The following ATAD2B variants were observed in gnomAD, a reference collection of about 807,000 sequenced individuals.
ATAD2B encodes ATPase family AAA domain-containing protein 2B.
Under a neutral mutation model 167.6 loss-of-function variants are expected in ATAD2B, and 40 were observed. That is an observed-to-expected ratio of 0.24 (90% CI 0.19 to 0.31). The LOEUF is 0.31. ATAD2B is among the 10% of genes least tolerant of loss of function. The probability of loss-of-function intolerance (pLI) is 1.00; values close to 1 mark genes in which losing one functional copy is unlikely to be tolerated. For synonymous variants in ATAD2B, 579 were observed against 596.5 expected, an observed-to-expected ratio of 0.97 and a Z score of 0.43; for missense variants, 1,242 against 1,757.2, an observed-to-expected ratio of 0.71 and a Z score of 5.24.
At chr2:23,685,335 G>C in the ATAD2B span, 2 of 152,224 alleles carry the variant, frequency 1.3e-5, no homozygotes, top group Admixed American at 6.5e-5. Context: ...CCGTAGTAAG[G>C]GAGAGCAGCC....
At chr2:23,746,214 A>G (rs1674872369), downstream of ATAD2B, among the ~76,000 whole-genome samples, 1 of 152,226 alleles carries the variant, frequency 6.6e-6, no homozygotes, top group Non-Finnish European at 1.5e-5. Flanking sequence ...TACCCCCACA[A>G]GAAGCAGTCA....
At position 23,851,280 on chromosome 2, in the gene ATAD2B, G is replaced by C. The variant is rs113792790; in HGVS notation, c.1568+6135C>G. Among the ~76,000 whole-genome samples the C allele has an allele frequency of 5.7e-3, 863 of 152,164 alleles. 11 individuals are homozygous for C. The highest frequency in any genetic ancestry group is 0.018 in the African/African-American group (759 of 41,504). ...CTCACGTCAGCCTCCCAAGTAGCTA[G>C]GACGAGAGGCACACCACACCCAACT... On this transcript the variant is annotated intron_variant, in intron 13 of 27. Coordinates refer to ENST00000238789, the MANE Select transcript of ATAD2B (RefSeq NM_017552.4).
At chr2:23,902,340 C>G (rs1007661688) in intron 1 of ATAD2B, among the ~76,000 whole-genome samples, 3 of 152,134 alleles carry the variant, frequency 2.0e-5, no homozygotes, top group African/African-American at 7.2e-5. Flanking sequence ...GACTCCTTCC[C>G]TCCAAAGAAA....
chr2:23,744,120 G>A (rs1474960258), downstream of ATAD2B, among the ~76,000 whole-genome samples: 1 of 152,166 alleles, frequency 6.6e-6, no homozygotes, highest in African/African-American at 2.4e-5. Flanking sequence ...AGGACAAGAA[G>A]TGTGAAACGT....
chr2:23,690,899 C>T, the ATAD2B span: 14,992 of 152,404 alleles, frequency 0.098, 846 homozygotes, highest in Middle Eastern at 0.16. Context: ...TTCCCCAGCC[C>T]GACGCACACT....
At chr2:23,840,223 T>C (rs1246307251) in intron 13 of ATAD2B, among the ~76,000 whole-genome samples, 2 of 152,330 alleles carry the variant, frequency 1.3e-5, no homozygotes, top group Middle Eastern at 3.4e-3. Flanking sequence ...TTTTCCCCTA[T>C]GTTTTTTCTA....
intron 2 of ATAD2B, among the ~76,000 whole-genome samples, chr2:23,891,751 C>T (rs987399797): frequency 3.3e-5 from 5 of 151,758 alleles, no homozygotes; most frequent in Non-Finnish European, 7.4e-5. Flanking sequence ...CCGACCCCCA[C>T]CTCAGACTCC....
At chr2:23,877,043 G>T (rs1264803818) in intron 7 of ATAD2B, among the ~76,000 whole-genome samples, 1 of 147,886 alleles carries the variant, frequency 6.8e-6, no homozygotes, top group Admixed American at 6.9e-5. Flanking sequence ...CTCCAGCCTG[G>T]GCAAGAAGAG....
chr2:23,758,160 A>G (rs759744366), intron 24 of ATAD2B, 59 bp from the exon 25 acceptor site: 7 of 1,340,894 alleles, frequency 5.2e-6, no homozygotes, highest in African/African-American at 1.5e-5. Flanking sequence ...CCAATTTTAC[A>G]TATGTTTATT....
chr2:23,684,342 A>G, the ATAD2B span: 1 of 518,728 alleles, frequency 1.9e-6, no homozygotes, highest in Non-Finnish European at 2.7e-6. This position sits in a 1 kb window ranked among gnomAD's most constrained non-coding sequence, Gnocchi z 4.4. Flanking sequence ...TTTTTTAATT[A>G]AAAAAAAAAA....
At chr2:23,921,462 C>T (rs1413745696) in intron 1 of ATAD2B, among the ~76,000 whole-genome samples, 1 of 152,034 alleles carries the variant, frequency 6.6e-6, no homozygotes, top group Non-Finnish European at 1.5e-5. Flanking sequence ...AGCTGGATTC[C>T]AGAAGTTATG....
At chr2:23,682,280 C>T in the ATAD2B span, among the ~76,000 whole-genome samples, 19 of 152,324 alleles carry the variant, frequency 1.2e-4, no homozygotes, top group East Asian at 3.7e-3. This position sits in a 1 kb window ranked among gnomAD's most constrained non-coding sequence, Gnocchi z 4.1. Flanking sequence ...TGTGTGCCCG[C>T]CACATGCTGT....
chr2:23,797,341 A>C (rs960891413), intron 19 of ATAD2B, among the ~76,000 whole-genome samples: 3 of 152,080 alleles, frequency 2.0e-5, no homozygotes, highest in Admixed American at 6.6e-5. Context: ...AAGATGATCT[A>C]CTATTTTTTT....
At chr2:23,903,079 T>C (rs1042355190) in intron 1 of ATAD2B, among the ~76,000 whole-genome samples, 5 of 151,688 alleles carry the variant, frequency 3.3e-5, no homozygotes, top group East Asian at 3.9e-4. Context: ...TACAAAAATA[T>C]AGAAAAATTA....
rs1470617822 is a variant in ATAD2B, at chr2:23,926,912, C to A, written c.-142G>T. ...CCGGAGCGTGCGGAGCGCAGACGAG[C>A]ACAAGAGAGAGCCGGGCAGAGGAAG... On this transcript the variant is annotated 5_prime_UTR_variant, in exon 1 of 28. Transcript: ENST00000238789. 1.9e-6 allele frequency: 2 copies of A among 1,036,554 alleles called. No individual in the cohort carries two copies. Among genetic ancestry groups the A allele is most frequent in the Non-Finnish European group, 2.7e-6 (2 of 747,868 alleles). 64.2% of individuals were successfully genotyped at this position (1,036,554 alleles called of 1,614,324 possible). A position where few individuals can be genotyped will look rare whatever the true frequency, so the allele number is the denominator to read the frequency against.
chr2:23,726,089 C>A, the ATAD2B span, among the ~76,000 whole-genome samples: 1 of 152,124 alleles, frequency 6.6e-6, no homozygotes, highest in African/African-American at 2.4e-5. Flanking sequence ...GAAAGGAAAG[C>A]GGGTACTTCA....
chr2:23,849,074 G>A (rs1328851046), intron 13 of ATAD2B, among the ~76,000 whole-genome samples: 2 of 151,342 alleles, frequency 1.3e-5, no homozygotes, highest in African/African-American at 4.9e-5. Flanking sequence ...AACAGAAAAA[G>A]AAAACAGCAG....
the ATAD2B span, among the ~76,000 whole-genome samples, chr2:23,726,339 A>G: frequency 6.6e-6 from 1 of 152,232 alleles, no homozygotes; most frequent in Non-Finnish European, 1.5e-5. Context: ...CTGTTGACTA[A>G]TAGCCTTACT....
chr2:23,885,018 A>G, intron 5 of ATAD2B, 145 bp from the exon 6 acceptor site: 1 of 429,944 alleles, frequency 2.3e-6, no homozygotes, highest in Non-Finnish European at 4.1e-6. Context: ...AGCTTCCTAA[A>G]TTCAATAAAT....
Sources: gnomAD v4.1 joint callset for allele counts (sites outside exome capture counted in the v4.1 genomes callset) on GRCh38, gnomAD v4.1.1 for gene constraint, Gnocchi (gnomAD v3.1) non-coding constraint, MANE v1.5 for transcripts, NCBI Gene and HGNC (gene_info 2026-07-23, HGNC 2026-07-21) for gene names.